Variants in CEACAM16 observed in about 807,000 individuals in gnomAD.
The protein encoded by CEACAM16 is cell adhesion molecule CEACAM16.
Under a neutral mutation model 39.4 loss-of-function variants are expected in CEACAM16, and 30 were observed. That is an observed-to-expected ratio of 0.76 (90% CI 0.57 to 1.03). The LOEUF is 1.03. Among genes scored for constraint, CEACAM16 ranks in the 50% least tolerant of loss-of-function variants. CEACAM16 has a pLI of 0.00. For missense variants in CEACAM16, 521 were observed against 585.3 expected, an observed-to-expected ratio of 0.89 and a Z score of 1.13; for synonymous variants, 262 against 264.9, an observed-to-expected ratio of 0.99 and a Z score of 0.11.
chr19:44,705,434 C>G (rs1974427042), intron 4 of CEACAM16, among the ~76,000 whole-genome samples, 156 bp from the exon 5 acceptor site: 1 of 152,150 alleles, frequency 6.6e-6, no homozygotes, highest in Non-Finnish European at 1.5e-5. Context: ...TTCTCAAGAT[C>G]CTAGAACAAG....
intron 4 of CEACAM16, among the ~76,000 whole-genome samples, chr19:44,704,752 C>A (rs149643758): frequency 0.071 from 6,447 of 90,632 alleles, 385 homozygotes; most frequent in Admixed American, 0.24. Flanking sequence ...AACAAACAAA[C>A]AAAAAAAAAC....
At chr19:44,700,143 C>A (rs1335147352) in intron 1 of CEACAM16, among the ~76,000 whole-genome samples, 1 of 152,092 alleles carries the variant, frequency 6.6e-6, no homozygotes, top group African/African-American at 2.4e-5. Flanking sequence ...GTAGCTGGGA[C>A]TACAGGTGCA....
At position 44,707,847 on chromosome 19, in the gene CEACAM16, C is replaced by A; in HGVS notation, c.941-14C>A. The A allele has an allele frequency of 6.6e-7, 1 of 1,514,852 alleles. No individual in the cohort carries two copies. Among genetic ancestry groups the A allele is most frequent in the South Asian group, 1.3e-5 (1 of 75,760 alleles). 93.8% of individuals were successfully genotyped at this position (1,514,852 alleles called of 1,614,324 possible). A position where few individuals can be genotyped will look rare whatever the true frequency, so the allele number is the denominator to read the frequency against. On this transcript the variant is annotated splice_polypyrimidine_tract_variant and intron_variant, in intron 5 of 6. Transcript: ENST00000587331. ...GCAGACCAAACTGACCCAGCCCGCT[C>A]GCTCTCTCCCCAGCTGCAGCAGTTG...
At chr19:44,700,263 C>A (rs535320792) in intron 1 of CEACAM16, among the ~76,000 whole-genome samples, 1 of 151,868 alleles carries the variant, frequency 6.6e-6, no homozygotes, top group Admixed American at 6.6e-5. Flanking sequence ...CCTTGGCCTC[C>A]CAAAGTGTTG....
At chr19:44,709,955 C>T (rs1463506937) in intron 6 of CEACAM16, among the ~76,000 whole-genome samples, 1 of 152,276 alleles carries the variant, frequency 6.6e-6, no homozygotes, top group Non-Finnish European at 1.5e-5. Flanking sequence ...CTCCATCTGA[C>T]TGAGCATCCC....
At position 44,701,290 on chromosome 19, in the gene CEACAM16, A is replaced by C; in HGVS notation, c.-96-71A>C. On this transcript the variant is annotated intron_variant, in intron 1 of 6. Transcript: ENST00000587331. This position sits in a 1 kb window ranked among gnomAD's most constrained non-coding sequence, Gnocchi z 4.0. ...CACCCTGGTACCCAAACCGGGCCCCAGATCCTTGGTGACTCGATCCCTCCA... is the reference window on the plus strand; with the variant it reads ...CACCCTGGTACCCAAACCGGGCCCCCGATCCTTGGTGACTCGATCCCTCCA... 1.3e-6 allele frequency: 1 copy of C among 788,406 alleles called. No individual in the cohort carries two copies. The highest frequency in any genetic ancestry group is 2.1e-6 in the Non-Finnish European group (1 of 468,992). The allele number at this position is 788,406 out of a possible 1,614,324, so 48.8% of individuals were successfully genotyped here. A position where few individuals can be genotyped will look rare whatever the true frequency, so the allele number is the denominator to read the frequency against.
chr19:44,703,316 C>T, intron 2 of CEACAM16, 33 bp from the exon 3 acceptor site: 6 of 1,576,596 alleles, frequency 3.8e-6, no homozygotes, highest in Non-Finnish European at 5.2e-6. Flanking sequence ...ATCAAACCTG[C>T]CTCATCCAAC....
Position 44,708,274 on chromosome 19 carries a change from G to T in CEACAM16, c.1267+87G>T. The T allele has an allele frequency of 4.6e-6, 6 of 1,308,168 alleles. No individual in the cohort carries two copies. The South Asian group carries it at 4.7e-5, about 10-fold the overall frequency. The allele number at this position is 1,308,168 out of a possible 1,614,324, so 81.0% of individuals were successfully genotyped here. Reference sequence around the variant, plus strand: ...TTTGCTTCCTCCATCAGGCTGGGGGGACATAGACCAAAGATGGATACCCAT... The same window carrying T: ...TTTGCTTCCTCCATCAGGCTGGGGGTACATAGACCAAAGATGGATACCCAT... On this transcript the variant is annotated intron_variant, in intron 6 of 6. Coordinates refer to ENST00000587331, the MANE Select transcript of CEACAM16 (RefSeq NM_001039213.4).
intron 1 of CEACAM16, among the ~76,000 whole-genome samples, chr19:44,700,327 G>A (rs916805023): frequency 2.0e-4 from 30 of 152,092 alleles, no homozygotes; most frequent in African/African-American, 6.0e-4. Context: ...TAATAGAGAC[G>A]GGGTTTCGCC....
At chr19:44,703,862 C>T (rs1307694196) in intron 3 of CEACAM16, among the ~76,000 whole-genome samples, 156 bp from the exon 4 acceptor site, 3 of 152,190 alleles carry the variant, frequency 2.0e-5, no homozygotes, top group Admixed American at 2.0e-4. Flanking sequence ...AGATGGCCTC[C>T]AGGATTAGAC....
intron 5 of CEACAM16, 76 bp from the exon 6 acceptor site, chr19:44,707,785 G>A: frequency 7.6e-7 from 1 of 1,309,244 alleles, no homozygotes; most frequent in Non-Finnish European, 1.0e-6. Context: ...GCTGGGGGGA[G>A]GCCAGCAAGG....
chr19:44,700,152 C>T (rs1031481346), intron 1 of CEACAM16, among the ~76,000 whole-genome samples: 15 of 152,286 alleles, frequency 9.8e-5, no homozygotes, highest in African/African-American at 2.9e-4. Flanking sequence ...ACTACAGGTG[C>T]ACACCACCAC....
At chr19:44,706,295 C>CACACACACAT (rs1555772255) in intron 5 of CEACAM16, among the ~76,000 whole-genome samples, 32 of 119,464 alleles carry the variant, frequency 2.7e-4, no homozygotes, top group Non-Finnish European at 5.6e-4. Flanking sequence ...CACACACACA[C>CACACACACAT]ACACACACAC....
rs1974306315 is a variant in CEACAM16 at position 44,699,269 on chromosome 19, T to A, written c.-97+9T>A. The stretch of plus-strand genomic sequence containing the variant: ...ACTCTGCGCCAGTCGTGGTAAGTAC[T>A]GTACTTCACATGTGTATCTACTTAA... On this transcript the variant is annotated intron_variant, in intron 1 of 6. Transcript: ENST00000587331. 1 of 534,324 alleles carries A rather than the reference T, an allele frequency of 1.9e-6. No homozygotes were observed. Among genetic ancestry groups the A allele is most frequent in the Non-Finnish European group, 3.8e-6 (1 of 259,926 alleles). 33.1% of individuals were successfully genotyped at this position (534,324 alleles called of 1,614,324 possible). A position where few individuals can be genotyped will look rare whatever the true frequency, so the allele number is the denominator to read the frequency against.
intron 2 of CEACAM16, among the ~76,000 whole-genome samples, chr19:44,702,627 A>AG (rs1974365924): frequency 6.6e-6 from 1 of 152,258 alleles, no homozygotes; most frequent in Non-Finnish European, 1.5e-5. Context: ...TGAGAAGGAA[A>AG]GGGGTGGAGT....
At chr19:44,708,905 T>C (rs1439168356) in intron 6 of CEACAM16, among the ~76,000 whole-genome samples, 1 of 151,708 alleles carries the variant, frequency 6.6e-6, no homozygotes, top group Non-Finnish European at 1.5e-5. Context: ...CCCCATTGGA[T>C]TGGGAATTCC....
rs747829770 is a variant in CEACAM16, at chr19:44,704,181, C to G, written c.546C>G (p.Asp182Glu). 6.4e-7 allele frequency: 1 copy of G among 1,573,886 alleles called. No individual in the cohort carries two copies. Among genetic ancestry groups the G allele is most frequent in the East Asian group, 2.4e-5 (1 of 42,384 alleles). ...PVALRLGLSP[D>E]GRVLARHGIR... is the part of the protein sequence containing the mutation. ...CTCTCCGCCTGGGCCTGTCCCCTGACGGCCGGGTGCTGGCCAGGCATGGCA... is the reference window on the plus strand; with the variant it reads ...CTCTCCGCCTGGGCCTGTCCCCTGAGGGCCGGGTGCTGGCCAGGCATGGCA... The change falls in exon 4 of 7, where the codon GAC becomes GAG. Residue 182 changes from aspartate (D) to glutamate (E), a missense_variant. By Grantham distance (45) the Asp-to-Glu change is conservative. Transcript: ENST00000587331.
rs980824726 is a variant in CEACAM16, at chr19:44,704,286, G to A, written c.651G>A (p.Leu217=). ...TCAGCCGCAGCGAGCCCATCAACCT[G>A]ACCGTGTACTGTGAGTCCTCCTGGC... ...VSVSRSEPIN[L]TVYFGPERVA... is the part of the protein sequence containing the mutation. The change falls in exon 4 of 7, where the codon CTG becomes CTA. Residue 217 remains leucine, a synonymous_variant. Coordinates refer to ENST00000587331, the MANE Select transcript of CEACAM16 (RefSeq NM_001039213.4). 4 of 1,510,444 alleles carry A rather than the reference G, an allele frequency of 2.6e-6. No individual in the cohort carries two copies. In the African/African-American group the frequency reaches 5.5e-5, roughly 21 times the overall value. 93.6% of individuals were successfully genotyped at this position (1,510,444 alleles called of 1,614,324 possible).
At chr19:44,702,558 G>C (rs538546547) in intron 2 of CEACAM16, among the ~76,000 whole-genome samples, 1 of 152,256 alleles carries the variant, frequency 6.6e-6, no homozygotes, top group Non-Finnish European at 1.5e-5. Context: ...CAAACCACAC[G>C]TCATTCAAAC....
Sources: allele counts gnomAD v4.1 joint callset (sites outside exome capture counted in the v4.1 genomes callset), GRCh38; gene constraint gnomAD v4.1.1; non-coding constraint Gnocchi (gnomAD v3.1); transcripts MANE v1.5; gene names NCBI Gene and HGNC (gene_info 2026-07-23, HGNC 2026-07-21).